SOHLH2: variants seen among roughly 807,000 people sequenced by gnomAD.
The protein encoded by SOHLH2 is spermatogenesis- and oogenesis-specific basic helix-loop-helix-containing protein 2.
A neutral mutation model predicts 50.4 loss-of-function variants in SOHLH2; 22 were observed. That is an observed-to-expected ratio of 0.44 (90% CI 0.31 to 0.62). The LOEUF (loss-of-function observed/expected upper bound fraction) is 0.62, where lower values mean the gene tolerates loss of function less well. Ranked by LOEUF, SOHLH2 falls within the 20% of genes least tolerant of loss-of-function variation. SOHLH2 has a pLI of 0.08. For missense variants in SOHLH2, 412 were observed against 504.4 expected (o/e 0.82, Z 1.76); for synonymous variants, 185 against 187.3 (o/e 0.99, Z 0.10).
chr13:36,211,945 A>G (rs1271881051), intron 1 of SOHLH2, among the ~76,000 whole-genome samples: 1 of 152,164 alleles, frequency 6.6e-6, no homozygotes, highest in Non-Finnish European at 1.5e-5. Context: ...CATAAGCTTT[A>G]AAATAATAGA....
chr13:36,188,399 A>G (rs974550660), intron 6 of SOHLH2, among the ~76,000 whole-genome samples: 2 of 152,164 alleles, frequency 1.3e-5, no homozygotes, highest in Non-Finnish European at 2.9e-5. Flanking sequence ...AAGCATATTA[A>G]AGTCTGGCCT....
chr13:36,214,417 C>T, intron 1 of SOHLH2, 62 bp downstream of exon 1: 1 of 1,574,348 alleles, frequency 6.4e-7, no homozygotes, highest in Non-Finnish European at 8.6e-7. Flanking sequence ...GAGGGGACCA[C>T]CGACCTAGGG....
chr13:36,193,860 T>C lies in SOHLH2; in HGVS notation c.271A>G (p.Lys91Glu). 1 of 1,599,858 alleles carries C rather than the reference T, an allele frequency of 6.3e-7. No individual in the cohort carries two copies. The highest frequency in any genetic ancestry group is 8.5e-7 in the Non-Finnish European group (1 of 1,176,478). Residue 91 changes from lysine to glutamate, a missense_variant, in exon 3 of 11, where the codon AAA becomes GAA. Transcript: ENST00000379881. ...LEAIKLIRFG[K>E]KKNTHSLFVF... ...AACAGTGAATGTGTATTTTTCTTTT[T>C]GCCAAATCTGAGAGAGGAAAGAAAA... is the stretch of plus-strand genomic sequence containing the variant.
At chr13:36,213,766 A>C (rs1170427432) in intron 1 of SOHLH2, among the ~76,000 whole-genome samples, 1 of 152,116 alleles carries the variant, frequency 6.6e-6, no homozygotes, top group Admixed American at 6.5e-5. Flanking sequence ...GTTCCACACA[A>C]AGTTGCCTGT....
intron 1 of SOHLH2, among the ~76,000 whole-genome samples, chr13:36,202,411 T>C (rs1489647844): frequency 2.6e-5 from 4 of 152,210 alleles, no homozygotes; most frequent in African/African-American, 9.6e-5. Context: ...TATGACTCAG[T>C]TTTCCAAAAG....
rs1168675315 is a variant in SOHLH2 at position 36,174,765 on chromosome 13, A to C, written c.746T>G (p.Val249Gly). The change falls in exon 7 of 11, where the codon GTG becomes GGG. Residue 249 changes from valine to glycine, a missense_variant. Val to Gly is a moderately radical substitution (Grantham distance 109). Transcript: ENST00000379881. ...ASVLEATVDYVKYIREKISPA... is the reference protein window; with the variant it reads ...ASVLEATVDYGKYIREKISPA... ...AGAGATTTTCTCCCGGATATATTTC[A>C]CATAATCAACTGTTGCCTCAAGAAC... The C allele has an allele frequency of 2.5e-6, 4 of 1,611,570 alleles. No individual in the cohort carries two copies. The highest frequency in any genetic ancestry group is 3.4e-6 in the Non-Finnish European group (4 of 1,179,308).
chr13:36,208,243 C>G (rs1488444456), intron 1 of SOHLH2, among the ~76,000 whole-genome samples: 1 of 152,090 alleles, frequency 6.6e-6, no homozygotes, highest in South Asian at 2.1e-4. Flanking sequence ...CTATGACATT[C>G]CATTGGTGAT....
At chr13:36,190,409 A>C (rs1366321746) in intron 5 of SOHLH2, among the ~76,000 whole-genome samples, 1 of 152,190 alleles carries the variant, frequency 6.6e-6, no homozygotes, top group Non-Finnish European at 1.5e-5. Context: ...CATTACAGGA[A>C]AAAAGCATAA....
At chr13:36,204,241 G>T (rs1255245846) in intron 1 of SOHLH2, among the ~76,000 whole-genome samples, 1 of 151,942 alleles carries the variant, frequency 6.6e-6, no homozygotes, top group African/African-American at 2.4e-5. Context: ...GTGAGCCACC[G>T]TGCCCAGCCC....
intron 6 of SOHLH2, chr13:36,182,129 A>G: frequency 1.0e-6 from 1 of 985,392 alleles, no homozygotes; most frequent in Non-Finnish European, 1.2e-6. Flanking sequence ...GTGTCCTTGT[A>G]CTTTATGTCC....
intron 1 of SOHLH2, among the ~76,000 whole-genome samples, chr13:36,202,479 CAT>C (rs1156467740): frequency 1.3e-5 from 2 of 152,168 alleles, no homozygotes; most frequent in Non-Finnish European, 2.9e-5. Flanking sequence ...GACTCTCCCA[CAT>C]GATTTATTTT....
intron 6 of SOHLH2, among the ~76,000 whole-genome samples, chr13:36,180,264 G>T (rs930116729): frequency 6.6e-6 from 1 of 151,932 alleles, no homozygotes; most frequent in Non-Finnish European, 1.5e-5. Context: ...GTGATATATT[G>T]TGTCTGTCTC....
At chr13:36,192,095 C>G (rs1343343916) in intron 4 of SOHLH2, among the ~76,000 whole-genome samples, 1 of 151,942 alleles carries the variant, frequency 6.6e-6, no homozygotes, top group Non-Finnish European at 1.5e-5. Flanking sequence ...AACTAAAATA[C>G]TCTATATTAT....
intron 10 of SOHLH2, 67 bp from the exon 11 acceptor site, chr13:36,169,121 T>A: frequency 6.4e-7 from 1 of 1,553,372 alleles, no homozygotes; most frequent in Non-Finnish European, 8.7e-7. Flanking sequence ...AATGTCATGA[T>A]TGTATTTTCT....
intron 6 of SOHLH2, among the ~76,000 whole-genome samples, chr13:36,186,643 A>G (rs568848437): frequency 4.5e-4 from 68 of 152,352 alleles, no homozygotes; most frequent in African/African-American, 1.6e-3. Flanking sequence ...TCATGGGTAC[A>G]CAAAAATGTG....
intron 1 of SOHLH2, among the ~76,000 whole-genome samples, chr13:36,209,185 A>G (rs760408716): frequency 2.0e-5 from 3 of 151,934 alleles, no homozygotes; most frequent in Non-Finnish European, 2.9e-5. Context: ...CTTAGTCTTC[A>G]CTCCTTCTAA....
intron 2 of SOHLH2, among the ~76,000 whole-genome samples, chr13:36,194,642 T>C (rs962594706): frequency 6.6e-6 from 1 of 152,204 alleles, no homozygotes; most frequent in Non-Finnish European, 1.5e-5. Flanking sequence ...GCATTATAGT[T>C]CACTAAACTC....
intron 1 of SOHLH2, among the ~76,000 whole-genome samples, chr13:36,213,055 G>A (rs1869215555): frequency 1.3e-5 from 2 of 152,174 alleles, no homozygotes; most frequent in Admixed American, 1.3e-4. Flanking sequence ...AGCAGCTGCA[G>A]GGCTGAGGCT....
intron 6 of SOHLH2, among the ~76,000 whole-genome samples, chr13:36,184,497 T>TG (rs1887354166): frequency 2.7e-5 from 4 of 148,888 alleles, no homozygotes; most frequent in Non-Finnish European, 4.5e-5. Context: ...AGTCTTGCTC[T>TG]TGCCCAGGCT....
Sources: allele counts gnomAD v4.1 joint callset (sites outside exome capture counted in the v4.1 genomes callset), GRCh38; gene constraint gnomAD v4.1.1; transcripts MANE v1.5; gene names NCBI Gene and HGNC (gene_info 2026-07-23, HGNC 2026-07-21).